Variants in ATP10A observed in about 807,000 individuals in gnomAD.
ATP10A encodes the protein phospholipid-transporting ATPase VA.
A neutral mutation model predicts 147.8 loss-of-function variants in ATP10A; 111 were observed. That is an observed-to-expected ratio of 0.75 (90% CI 0.64 to 0.88). The LOEUF is 0.88. Among genes scored for constraint, ATP10A ranks in the 40% least tolerant of loss-of-function variants. The pLI is 0.00. For missense variants in ATP10A, 1,927 were observed against 1,959.0 expected, an observed-to-expected ratio of 0.98 and a Z score of 0.31; for synonymous variants, 875 against 841.6, an observed-to-expected ratio of 1.04 and a Z score of -0.69.
intron 1 of ATP10A, among the ~76,000 whole-genome samples, chr15:25,802,569 C>T (rs1890989089): frequency 2.6e-5 from 4 of 152,198 alleles, no homozygotes; most frequent in South Asian, 2.1e-4. Flanking sequence ...GCTAAGGTGT[C>T]GGCAGGGCCA....
intron 1 of ATP10A, among the ~76,000 whole-genome samples, chr15:25,819,439 C>A (rs1257184530): frequency 6.6e-6 from 1 of 152,068 alleles, no homozygotes; most frequent in Non-Finnish European, 1.5e-5. Flanking sequence ...GCTGGTGAGA[C>A]TGCAGAGAAA....
chr15:25,817,264 G>T (rs1251804735), intron 1 of ATP10A, among the ~76,000 whole-genome samples: 1 of 151,786 alleles, frequency 6.6e-6, no homozygotes, highest in African/African-American at 2.4e-5. Flanking sequence ...TGTATTTTTG[G>T]TAGAGACAGG....
intron 2 of ATP10A, among the ~76,000 whole-genome samples, chr15:25,767,848 G>A (rs1181699694): frequency 1.3e-5 from 2 of 152,262 alleles, no homozygotes; most frequent in Non-Finnish European, 2.9e-5. Flanking sequence ...TGTAGACAGA[G>A]GTAGGTGTGC....
intron 1 of ATP10A, among the ~76,000 whole-genome samples, chr15:25,809,592 T>C (rs566316755): frequency 6.6e-6 from 1 of 152,332 alleles, no homozygotes; most frequent in African/African-American, 2.4e-5. Context: ...ATTTCTGCTT[T>C]AAACCCTTCG....
intron 1 of ATP10A, among the ~76,000 whole-genome samples, chr15:25,809,288 G>A (rs949966788): frequency 1.3e-5 from 2 of 152,102 alleles, no homozygotes; most frequent in East Asian, 1.9e-4. Context: ...AGCATACGTC[G>A]GGCGGGGTGA....
At chr15:25,751,733 G>A (rs571180462) in intron 2 of ATP10A, among the ~76,000 whole-genome samples, 57 of 152,120 alleles carry the variant, frequency 3.7e-4, no homozygotes, top group African/African-American at 1.3e-3. Flanking sequence ...ATATCTGCAA[G>A]CCATATATCC....
At chr15:25,843,946 G>T (rs1354317918) in intron 1 of ATP10A, among the ~76,000 whole-genome samples, 1 of 152,092 alleles carries the variant, frequency 6.6e-6, no homozygotes, top group Non-Finnish European at 1.5e-5. Context: ...AGCTGTTTTA[G>T]AGTGCTTGTC....
chr15:25,790,014 G>A (rs192637945), intron 1 of ATP10A, among the ~76,000 whole-genome samples: 6 of 152,310 alleles, frequency 3.9e-5, no homozygotes, highest in African/African-American at 1.2e-4. Flanking sequence ...CAGAACCAAT[G>A]TATTTTTAAA....
chr15:25,706,766 T>C (rs1901048075), intron 12 of ATP10A, among the ~76,000 whole-genome samples: 1 of 152,186 alleles, frequency 6.6e-6, no homozygotes. Flanking sequence ...GTTAGTGCTG[T>C]CCAGGGGAAA....
At chr15:25,826,943 T>C (rs1014348572) in intron 1 of ATP10A, among the ~76,000 whole-genome samples, 2 of 152,092 alleles carry the variant, frequency 1.3e-5, no homozygotes, top group African/African-American at 4.8e-5. Context: ...CTTATACACA[T>C]CATAATCAAA....
chr15:25,763,868 G>T (rs901336924), intron 2 of ATP10A, among the ~76,000 whole-genome samples: 2 of 152,162 alleles, frequency 1.3e-5, no homozygotes, highest in African/African-American at 4.8e-5. Flanking sequence ...CTTTTCAAAA[G>T]TACATTTTTT....
chr15:25,831,902 T>A (rs1397559814), intron 1 of ATP10A, among the ~76,000 whole-genome samples: 2 of 152,210 alleles, frequency 1.3e-5, no homozygotes, highest in Non-Finnish European at 2.9e-5. Context: ...CTGTGTTGAA[T>A]GAATAGTGTC....
chr15:25,857,788 C>G (rs35031491), intron 1 of ATP10A, among the ~76,000 whole-genome samples: 29,229 of 152,018 alleles, frequency 0.19, 3,129 homozygotes, highest in African/African-American at 0.28. Flanking sequence ...AACACGGGGT[C>G]AGAGCAGGGT....
At chr15:25,721,086 G>A (rs569101695) in intron 7 of ATP10A, among the ~76,000 whole-genome samples, 21 of 152,220 alleles carry the variant, frequency 1.4e-4, no homozygotes, top group Admixed American at 1.3e-3. Context: ...GTCACACCCT[G>A]GGATTCAGAA....
rs1477555108 is a variant in ATP10A at position 25,701,983 on chromosome 15, T to C, written c.2693A>G (p.Asn898Ser). Residue 898 changes from asparagine (N) to serine (S), a missense_variant, in exon 13 of 21, where the codon AAC (asparagine) becomes AGC (serine). Physicochemically the swap from Asn to Ser is conservative, Grantham distance 46 (BLOSUM62 1). Coordinates refer to ENST00000555815, the MANE Select transcript of ATP10A (RefSeq NM_024490.4). ...CAGCAGTTTGCAGGCATATGCAATGTTGACAGCTGTTTCTTGTTTGTCACC... is the reference window on the plus strand; with the variant it reads ...CAGCAGTTTGCAGGCATATGCAATGCTGACAGCTGTTTCTTGTTTGTCACC... ...LTGDKQETAV[N>S]IAYACKLLDH... The C allele has an allele frequency of 8.1e-6, 13 of 1,614,080 alleles. No homozygotes were observed. Among genetic ancestry groups the C allele is most frequent in the Non-Finnish European group, 1.1e-5 (13 of 1,180,038 alleles).
Position 25,736,748 on chromosome 15 carries a change from G to C in ATP10A, c.655-607C>G, listed in dbSNP as rs566055924. On this transcript the variant is annotated intron_variant, in intron 2 of 20. Coordinates refer to ENST00000555815, the MANE Select transcript of ATP10A (RefSeq NM_024490.4). ...TGGCTCATAAGAAAGGCTTAGGAGT[G>C]GGGGGAAGGAGGAAGAAGGGAGAGA... 5.3e-5 allele frequency among the ~76,000 whole-genome samples: 8 copies of C among 152,168 alleles called. No individual in the cohort carries two copies. The East Asian group carries it at 5.8e-4, about 11-fold the overall frequency.
At chr15:25,806,459 C>A (rs1891191570) in intron 1 of ATP10A, among the ~76,000 whole-genome samples, 2 of 151,990 alleles carry the variant, frequency 1.3e-5, no homozygotes, top group Admixed American at 1.3e-4. Flanking sequence ...ACTATAGGCG[C>A]CTGCCACCAC....
intron 1 of ATP10A, among the ~76,000 whole-genome samples, chr15:25,854,872 A>T (rs1445235309): frequency 6.6e-6 from 1 of 152,232 alleles, no homozygotes; most frequent in Non-Finnish European, 1.5e-5. Flanking sequence ...AGCCTCATCA[A>T]CATGGTGAAA....
At chr15:25,696,878 T>A (rs569436223) in intron 13 of ATP10A, among the ~76,000 whole-genome samples, 1 of 152,236 alleles carries the variant, frequency 6.6e-6, no homozygotes, top group African/African-American at 2.4e-5. Context: ...GGAATGGCAG[T>A]GGCAGAAATG....
Sources: allele counts gnomAD v4.1 joint callset (sites outside exome capture counted in the v4.1 genomes callset), GRCh38; gene constraint gnomAD v4.1.1; transcripts MANE v1.5; gene names NCBI Gene and HGNC (gene_info 2026-07-23, HGNC 2026-07-21).